The following FBXO33 variants were observed in gnomAD, a reference collection of about 807,000 sequenced individuals.
FBXO33 encodes F-box only protein 33.
In FBXO33, 22 loss-of-function variants were observed where a neutral mutation model predicts 46.3. The ratio of observed to expected loss-of-function variants is 0.48; its 90% confidence interval spans 0.34 to 0.68. The LOEUF (loss-of-function observed/expected upper bound fraction) is 0.68. FBXO33 is among the 30% of genes least tolerant of loss of function. FBXO33 has a pLI of 0.01. For synonymous variants in FBXO33, 337 were observed against 291.3 expected (o/e 1.16, Z -1.60); for missense variants, 692 against 708.8 (o/e 0.98, Z 0.27).
intron 1 of FBXO33, among the ~76,000 whole-genome samples, chr14:39,423,772 G>T (rs1325253737): frequency 2.0e-5 from 3 of 152,108 alleles, no homozygotes; most frequent in African/African-American, 4.8e-5. Context: ...GGGTCACAAA[G>T]GGAACTTCTA....
At chr14:39,419,854 T>C (rs1262897605) in intron 1 of FBXO33, among the ~76,000 whole-genome samples, 1 of 152,230 alleles carries the variant, frequency 6.6e-6, no homozygotes, top group Non-Finnish European at 1.5e-5. Flanking sequence ...GTAATACTGA[T>C]AGGATATAAG....
rs1595990723 is a variant in FBXO33 at position 39,431,614 on chromosome 14, G to A, written c.549C>T (p.Arg183=). The stretch of plus-strand genomic sequence containing the variant: ...CGCAAAGCACCAGCTCCAAGTAGGT[G>A]CGCAGCACTTCCAGCCAACGAGCTG... The part of the protein sequence containing the change: ...QLSARWLEVL[R]TYLELVLCVL... The change falls in exon 1 of 4, where the codon CGC becomes CGT. Residue 183 remains arginine, a synonymous_variant. Coordinates refer to ENST00000298097, the MANE Select transcript of FBXO33 (RefSeq NM_203301.4). 6.2e-7 allele frequency: 1 copy of A among 1,613,558 alleles called. No individual in the cohort carries two copies. The highest frequency in any genetic ancestry group is 1.1e-5 in the South Asian group (1 of 91,090).
In FBXO33 at chr14:39,431,892, C is replaced by A. The variant is rs1417255024; in HGVS notation, c.271G>T (p.Ala91Ser). ...CGCCAGTGCGAGCAGGAGGCCGAGG[C>A]CCGCAGCCGGTCGGGCGCCGGCAGA... ...SFLPAPDRLR[A>S]SASCSHWREC... The change falls in exon 1 of 4, where the codon GCC becomes TCC. Residue 91 changes from alanine to serine, a missense_variant. This residue lies in a region of FBXO33 where 412 missense variants were observed against 370.8 expected (regional missense o/e 1.11). Transcript: ENST00000298097. 1 of 1,559,974 alleles carries A rather than the reference C, an allele frequency of 6.4e-7. No homozygotes were observed. Among genetic ancestry groups the A allele is most frequent in the Non-Finnish European group, 8.6e-7 (1 of 1,159,274 alleles).
chr14:39,399,548 T>C lies in FBXO33; in HGVS notation c.1636A>G (p.Arg546Gly). Residue 546 changes from arginine (R) to glycine (G), a missense_variant, in exon 4 of 4, where the codon AGA becomes GGA. Coordinates refer to ENST00000298097, the MANE Select transcript of FBXO33 (RefSeq NM_203301.4). ...VFTEPNRHFY[R>G]EMQSFSEDI The stretch of plus-strand genomic sequence containing the variant: ...TCTTCACTGAAGCTTTGCATCTCTC[T>C]GTAAAAATGACGATTTGGTTCAGTG... The C allele has an allele frequency of 1.2e-6, 2 of 1,612,618 alleles. No homozygotes were observed. Among genetic ancestry groups the C allele is most frequent in the South Asian group, 1.1e-5 (1 of 90,808 alleles).
At chr14:39,405,906 C>G (rs1403013574) in intron 1 of FBXO33, among the ~76,000 whole-genome samples, 1 of 90,820 alleles carries the variant, frequency 1.1e-5, no homozygotes, top group Non-Finnish European at 3.3e-5. Context: ...TCTGGTAAAT[C>G]TAATCAACTT....
intron 1 of FBXO33, among the ~76,000 whole-genome samples, chr14:39,415,869 G>A (rs1044239718): frequency 6.6e-6 from 1 of 152,164 alleles, no homozygotes; most frequent in Non-Finnish European, 1.5e-5. Flanking sequence ...GTTTCACCAT[G>A]TTGGTCACAC....
intron 1 of FBXO33, among the ~76,000 whole-genome samples, chr14:39,404,962 C>T (rs1196895286): frequency 1.3e-5 from 2 of 151,762 alleles, no homozygotes; most frequent in Non-Finnish European, 2.9e-5. Context: ...GTCCGGCCAA[C>T]ATAGTGAAAC....
At position 39,398,328 on chromosome 14, in the gene FBXO33, A is replaced by G. The variant is rs2075352531; in HGVS notation, c.*1188T>C. 6.5e-6 allele frequency: 1 copy of G among 152,682 alleles called. No individual in the cohort carries two copies. Among genetic ancestry groups the G allele is most frequent in the South Asian group, 2.1e-4 (1 of 4,836 alleles). 9.5% of individuals were successfully genotyped at this position (152,682 alleles called of 1,614,324 possible). A position where few individuals can be genotyped will look rare whatever the true frequency, so the allele number is the denominator to read the frequency against. On this transcript the variant is annotated 3_prime_UTR_variant, in exon 4 of 4. Transcript: ENST00000298097. ...CTTTTAAAGCCTCTCAGATATAACA[A>G]GGTTTTAAAACATACTTCATGGAAT... is the stretch of plus-strand genomic sequence containing the variant.
chr14:39,425,940 T>C (rs2075510826), intron 1 of FBXO33, among the ~76,000 whole-genome samples: 1 of 152,180 alleles, frequency 6.6e-6, no homozygotes, highest in Non-Finnish European at 1.5e-5. Context: ...CCTATAACAG[T>C]ACTCCGTATT....
At chr14:39,427,120 A>T (rs1388492770) in intron 1 of FBXO33, among the ~76,000 whole-genome samples, 3 of 152,374 alleles carry the variant, frequency 2.0e-5, no homozygotes, top group African/African-American at 7.2e-5. Context: ...GGAGATATTT[A>T]ATCACTCCAC....
chr14:39,426,096 C>A (rs575363346), intron 1 of FBXO33, among the ~76,000 whole-genome samples: 27 of 151,274 alleles, frequency 1.8e-4, no homozygotes, highest in African/African-American at 6.5e-4. Flanking sequence ...TGAACACTTG[C>A]GGTTGTTATT....
chr14:39,431,448 T>G, intron 1 of FBXO33, 116 bp downstream of exon 1: 3 of 1,534,262 alleles, frequency 2.0e-6, no homozygotes, highest in Non-Finnish European at 2.6e-6. Context: ...TCTCCGTCAC[T>G]GAGGAAGGCA....
Position 39,401,498 on chromosome 14 carries a change from C to T in FBXO33, c.1074G>A (p.Glu358=), listed in dbSNP as rs1366134289. The T allele has an allele frequency of 3.1e-6, 5 of 1,614,162 alleles. No homozygotes were observed. The highest frequency in any genetic ancestry group is 2.2e-5 in the East Asian group (1 of 44,888). The change falls in exon 3 of 4, where the codon GAG becomes GAA. Residue 358 remains glutamate, a synonymous_variant. Transcript: ENST00000298097. ...HKSLDNMPND[E]HWKALSRKST... ...TCTTTCGTGACAGGGCTTTCCAATGCTCATCATTTGGCATGTTGTCCAGAG... is the reference window on the plus strand; with the variant it reads ...TCTTTCGTGACAGGGCTTTCCAATGTTCATCATTTGGCATGTTGTCCAGAG...
chr14:39,410,604 A>C (rs2075417897), intron 1 of FBXO33, among the ~76,000 whole-genome samples: 2 of 152,176 alleles, frequency 1.3e-5, no homozygotes, highest in South Asian at 4.1e-4. Flanking sequence ...ACTGGCATTA[A>C]TTCTTCTTCA....
At chr14:39,406,674 AAG>A (rs1402478490) in intron 1 of FBXO33, among the ~76,000 whole-genome samples, 1 of 152,178 alleles carries the variant, frequency 6.6e-6, no homozygotes, top group East Asian at 1.9e-4. Context: ...ACTGTACAGA[AAG>A]AGCTTCACAG....
At chr14:39,421,596 T>G (rs1297120870) in intron 1 of FBXO33, among the ~76,000 whole-genome samples, 1 of 152,022 alleles carries the variant, frequency 6.6e-6, no homozygotes, top group Non-Finnish European at 1.5e-5. Flanking sequence ...AAATTTCAGG[T>G]GACCATAGTA....
At chr14:39,411,464 A>G (rs115577458) in intron 1 of FBXO33, among the ~76,000 whole-genome samples, 246 of 151,906 alleles carry the variant, frequency 1.6e-3, no homozygotes, top group African/African-American at 5.6e-3. Flanking sequence ...GCCACTTGCT[A>G]TAAGTTTTGG....
At position 39,398,490 on chromosome 14, in the gene FBXO33, T is replaced by G. The variant is rs887021987; in HGVS notation, c.*1026A>C. 5 of 151,618 alleles carry G rather than the reference T, an allele frequency of 3.3e-5. No individual in the cohort carries two copies. The highest frequency in any genetic ancestry group is 5.9e-5 in the Non-Finnish European group (4 of 67,922). 9.4% of individuals were successfully genotyped at this position (151,618 alleles called of 1,614,324 possible). ...CTTTTTTTTTTTTTTTTGTTTTGTT[T>G]TTTCAGAGTTCTGAGGTTGCTGACT... is the stretch of plus-strand genomic sequence containing the variant. On this transcript the variant is annotated 3_prime_UTR_variant, in exon 4 of 4. Coordinates refer to ENST00000298097, the MANE Select transcript of FBXO33 (RefSeq NM_203301.4).
In FBXO33 at chr14:39,399,486, T is replaced by G; in HGVS notation, c.*30A>C. The G allele has an allele frequency of 2.5e-6, 4 of 1,582,946 alleles. No individual in the cohort carries two copies. Reference sequence around the variant, plus strand: ...CATAATAGGACCCTACTTGCATATGTAACCACAGGAATTCTACATTAAAAA... The same window carrying G: ...CATAATAGGACCCTACTTGCATATGGAACCACAGGAATTCTACATTAAAAA... On this transcript the variant is annotated 3_prime_UTR_variant, in exon 4 of 4. Coordinates refer to ENST00000298097, the MANE Select transcript of FBXO33 (RefSeq NM_203301.4).
Sources: allele counts gnomAD v4.1 joint callset (sites outside exome capture counted in the v4.1 genomes callset), GRCh38; gene constraint gnomAD v4.1.1; regional missense constraint gnomAD v4.1.1; transcripts MANE v1.5; gene names NCBI Gene and HGNC (gene_info 2026-07-23, HGNC 2026-07-21).